DCAF6: variants seen among roughly 807,000 people sequenced by gnomAD.
DCAF6 encodes DDB1 and CUL4 associated factor 6.
Under a neutral mutation model 125.1 loss-of-function variants are expected in DCAF6, and 54 were observed. That is an observed-to-expected ratio of 0.43 (90% CI 0.35 to 0.54). The LOEUF (loss-of-function observed/expected upper bound fraction) is 0.54, where lower values mean the gene tolerates loss of function less well. Among genes scored for constraint, DCAF6 ranks in the 20% least tolerant of loss-of-function variants. The pLI, the probability that DCAF6 is intolerant of heterozygous loss-of-function variation, is 0.01. For synonymous variants in DCAF6, 371 were observed against 390.4 expected (o/e 0.95, Z 0.58); for missense variants, 934 against 1,161.7 (o/e 0.80, Z 2.85).
the DCAF6 span, among the ~76,000 whole-genome samples, chr1:167,902,934 T>C: frequency 6.6e-6 from 1 of 152,190 alleles, no homozygotes; most frequent in African/African-American, 2.4e-5. Flanking sequence ...TGACTATCTT[T>C]GGGTTTTATA....
At position 167,957,153 on chromosome 1, in the gene DCAF6, A is replaced by C. The variant is rs1400070043; in HGVS notation, c.159+5292A>C. ...CATACTATAAAACTGACGCATCTTA[A>C]GTGTTCAATTCGGTGGTTTTTAGTG... is the stretch of plus-strand genomic sequence containing the variant. On this transcript the variant is annotated intron_variant, in intron 2 of 21. Transcript: ENST00000367840. 2.0e-5 allele frequency among the ~76,000 whole-genome samples: 3 copies of C among 152,012 alleles called. No individual in the cohort carries two copies. In the East Asian group the frequency reaches 5.8e-4, roughly 29 times the overall value.
chr1:167,884,326 G>A, the DCAF6 span, among the ~76,000 whole-genome samples: 5 of 152,124 alleles, frequency 3.3e-5, no homozygotes, highest in African/African-American at 1.2e-4. Context: ...ATGGCCAGAG[G>A]AGAGCAGGGG....
chr1:167,955,865 A>G (rs1368783828), intron 2 of DCAF6, among the ~76,000 whole-genome samples: 6 of 152,150 alleles, frequency 3.9e-5, no homozygotes, highest in African/African-American at 1.4e-4. Flanking sequence ...GGCTCAAGCT[A>G]TCTTCCCACC....
the DCAF6 span, among the ~76,000 whole-genome samples, chr1:167,915,742 C>T: frequency 3.9e-5 from 6 of 152,176 alleles, no homozygotes; most frequent in Non-Finnish European, 7.3e-5. Flanking sequence ...TGCACCACCG[C>T]GCCTGGCCCG....
intron 11 of DCAF6, among the ~76,000 whole-genome samples, chr1:168,020,633 A>AT: frequency 1.3e-5 from 2 of 152,234 alleles, no homozygotes; most frequent in South Asian, 4.1e-4. Flanking sequence ...GTTTGTGATT[A>AT]TATTCTCTAG....
At chr1:168,058,179 A>G (rs1236679343) in intron 17 of DCAF6, among the ~76,000 whole-genome samples, 1 of 152,162 alleles carries the variant, frequency 6.6e-6, no homozygotes, top group African/African-American at 2.4e-5. Flanking sequence ...ACTGCTATCT[A>G]ATAATCCATA....
intron 1 of DCAF6, among the ~76,000 whole-genome samples, chr1:167,951,139 T>A (rs1673870282): frequency 6.6e-6 from 1 of 152,216 alleles, no homozygotes; most frequent in African/African-American, 2.4e-5. Context: ...GGCAGAAATC[T>A]TTTTGTTTTA....
At chr1:167,884,390 C>G in the DCAF6 span, among the ~76,000 whole-genome samples, 1 of 152,108 alleles carries the variant, frequency 6.6e-6, no homozygotes, top group Non-Finnish European at 1.5e-5. Context: ...TTCACTATCA[C>G]GAGAACAGCA....
chr1:168,064,985 G>A (rs1692143462), intron 18 of DCAF6, among the ~76,000 whole-genome samples: 1 of 151,934 alleles, frequency 6.6e-6, no homozygotes, highest in South Asian at 2.1e-4. Context: ...TATTCTTTGG[G>A]TCTAAAGCAA....
chr1:168,023,591 A>G (rs1003883647), intron 12 of DCAF6: 22 of 158,854 alleles, frequency 1.4e-4, no homozygotes, highest in Middle Eastern at 3.4e-3. Flanking sequence ...GTACTTTTCA[A>G]TGTGGGAAAG....
At position 168,015,767 on chromosome 1, in the gene DCAF6, C is replaced by T; in HGVS notation, c.1379-14C>T. On this transcript the variant is annotated splice_polypyrimidine_tract_variant and intron_variant, in intron 10 of 21. Coordinates refer to ENST00000367840, the MANE Select transcript of DCAF6 (RefSeq NM_001198956.2). ...ATTACTGTCTTTTCACCTTTCTTTT[C>T]CTATTTGTGTCAGAATTTTTAAGGG... 1 of 1,434,222 alleles carries T rather than the reference C, an allele frequency of 7.0e-7. No homozygotes were observed. Among genetic ancestry groups the T allele is most frequent in the Non-Finnish European group, 9.2e-7 (1 of 1,086,094 alleles). 88.8% of individuals were successfully genotyped at this position (1,434,222 alleles called of 1,614,324 possible).
At chr1:167,912,022 A>C in the DCAF6 span, among the ~76,000 whole-genome samples, 8 of 152,246 alleles carry the variant, frequency 5.3e-5, no homozygotes, top group African/African-American at 1.9e-4. Context: ...ACACCCATAA[A>C]AGACAATAGA....
At chr1:167,968,269 C>G (rs1676744033) in intron 3 of DCAF6, among the ~76,000 whole-genome samples, 1 of 152,072 alleles carries the variant, frequency 6.6e-6, no homozygotes, top group South Asian at 2.1e-4. Flanking sequence ...GTAAAAAGGT[C>G]TCTATAAAAT....
At chr1:167,863,831 A>G in the DCAF6 span, among the ~76,000 whole-genome samples, 1 of 152,342 alleles carries the variant, frequency 6.6e-6, no homozygotes, top group Middle Eastern at 3.4e-3. Context: ...CCGGACAACT[A>G]AAACTTGGTA....
intron 21 of DCAF6, among the ~76,000 whole-genome samples, chr1:168,068,905 G>C (rs1362868188): frequency 2.6e-5 from 4 of 152,070 alleles, no homozygotes; most frequent in African/African-American, 9.7e-5. Context: ...ACATAAAAAT[G>C]CATATATTAC....
upstream of DCAF6, among the ~76,000 whole-genome samples, chr1:167,932,865 T>G (rs572790257): frequency 7.1e-6 from 1 of 140,792 alleles, no homozygotes; most frequent in African/African-American, 2.6e-5. Context: ...CTGGGCAACA[T>G]AACTTCAAGA....
chr1:167,936,777 C>G lies in DCAF6; in HGVS notation c.-135C>G. ...GGCCCAGGCGCCGCTGCTGCCACCG[C>G]CATCTAACGCTGCGCCCTGGAGGCC... On this transcript the variant is annotated 5_prime_UTR_variant, in exon 1 of 22. Coordinates refer to ENST00000367840, the MANE Select transcript of DCAF6 (RefSeq NM_001198956.2). 1.3e-6 allele frequency: 1 copy of G among 743,162 alleles called. No homozygotes were observed. Among genetic ancestry groups the G allele is most frequent in the South Asian group, 1.8e-5 (1 of 54,464 alleles). 46.0% of individuals were successfully genotyped at this position (743,162 alleles called of 1,614,324 possible). A position where few individuals can be genotyped will look rare whatever the true frequency, so the allele number is the denominator to read the frequency against.
rs1230931110 is a variant in DCAF6, at chr1:167,936,756, C to T, written c.-156C>T. 2 of 643,936 alleles carry T rather than the reference C, an allele frequency of 3.1e-6. No homozygotes were observed. The highest frequency in any genetic ancestry group is 1.9e-5 in the African/African-American group (1 of 52,790). 39.9% of individuals were successfully genotyped at this position (643,936 alleles called of 1,614,324 possible). A position where few individuals can be genotyped will look rare whatever the true frequency, so the allele number is the denominator to read the frequency against. On this transcript the variant is annotated 5_prime_UTR_variant, in exon 1 of 22. Coordinates refer to ENST00000367840, the MANE Select transcript of DCAF6 (RefSeq NM_001198956.2). ...CGGGTGCGGCCGGGCTTCAGGGGCC[C>T]AGGCGCCGCTGCTGCCACCGCCATC...
At chr1:167,875,688 C>T in the DCAF6 span, among the ~76,000 whole-genome samples, 5 of 152,224 alleles carry the variant, frequency 3.3e-5, no homozygotes, top group African/African-American at 9.6e-5. Context: ...CAGTGACTCA[C>T]GCCTGTAATC....
Sources: allele counts gnomAD v4.1 joint callset (sites outside exome capture counted in the v4.1 genomes callset), GRCh38; gene constraint gnomAD v4.1.1; transcripts MANE v1.5; gene names NCBI Gene and HGNC (gene_info 2026-07-23, HGNC 2026-07-21).